Variants in NARS2 observed in about 807,000 individuals in gnomAD.
The protein encoded by NARS2 is asparaginyl-tRNA synthetase 2, mitochondrial, also known as asparaginyl-tRNA synthetase.
A neutral mutation model predicts 62.9 loss-of-function variants in NARS2; 60 were observed. The ratio of observed to expected loss-of-function variants is 0.95; its 90% CI spans 0.77 to 1.18. The LOEUF is 1.18. Among genes scored for constraint, NARS2 ranks in the 50% most tolerant of loss-of-function variants. The pLI is 0.00. For synonymous variants in NARS2, 196 were observed against 200.0 expected, an observed-to-expected ratio of 0.98 and a Z score of 0.17; for missense variants, 619 against 576.4, an observed-to-expected ratio of 1.07 and a Z score of -0.76.
chr11:78,440,733 A>G (rs1207299712), intron 13 of NARS2, among the ~76,000 whole-genome samples: 1 of 151,660 alleles, frequency 6.6e-6, no homozygotes, highest in Non-Finnish European at 1.5e-5. Context: ...GGGTTTCACC[A>G]TGCTGGCCAG....
intron 3 of NARS2, among the ~76,000 whole-genome samples, chr11:78,567,717 CTTT>C (rs1403056638): frequency 6.6e-6 from 1 of 152,146 alleles, no homozygotes; most frequent in Non-Finnish European, 1.5e-5. Context: ...GCATTTTCTT[CTTT>C]TATTTCCTTA....
chr11:78,528,734 A>G, intron 6 of NARS2, 108 bp downstream of exon 6: 2 of 725,900 alleles, frequency 2.8e-6, no homozygotes, highest in South Asian at 3.3e-5. Context: ...AATTCAAGTG[A>G]ACTAATGATA....
At chr11:78,574,047 T>C (rs1270002665) in intron 1 of NARS2, among the ~76,000 whole-genome samples, 1 of 152,168 alleles carries the variant, frequency 6.6e-6, no homozygotes, top group Non-Finnish European at 1.5e-5. Flanking sequence ...AACCTGGATA[T>C]TCATTATAAG....
At chr11:78,551,742 T>C (rs1856125104) in intron 5 of NARS2, among the ~76,000 whole-genome samples, 1 of 151,822 alleles carries the variant, frequency 6.6e-6, no homozygotes, top group Admixed American at 6.6e-5. Context: ...TCCCAGCTAT[T>C]TGGGAGGCTG....
rs749805230 is a variant in NARS2 at position 78,566,191 on chromosome 11, G to C, written c.454C>G (p.Leu152Val). Residue 152 changes from leucine (L) to valine (V), a missense_variant, in exon 4 of 14, where the codon CTG (leucine) becomes GTG (valine). Physicochemically the swap from Leu to Val is conservative, Grantham distance 32. Transcript: ENST00000281038. ...YPHFRCRTNV[L>V]GSILRIRSEA... ...CTGCGAATCCTCAATATAGAACCCA[G>C]AACGTTAGTCCTACACCTAAAGTGA... The C allele has an allele frequency of 2.5e-6, 4 of 1,613,316 alleles. No homozygotes were observed. The South Asian group carries it at 3.3e-5, about 13-fold the overall frequency.
intron 4 of NARS2, among the ~76,000 whole-genome samples, chr11:78,562,251 C>G (rs1856581950): frequency 6.6e-6 from 1 of 151,654 alleles, no homozygotes; most frequent in Non-Finnish European, 1.5e-5. Flanking sequence ...CAGTGAGATC[C>G]CATCTCTACA....
chr11:78,544,429 T>C (rs909249291), intron 5 of NARS2, among the ~76,000 whole-genome samples: 1 of 152,222 alleles, frequency 6.6e-6, no homozygotes, highest in East Asian at 1.9e-4. Context: ...TAATATGCTC[T>C]GAATTTTCCA....
intron 13 of NARS2, among the ~76,000 whole-genome samples, chr11:78,438,260 C>T: frequency 6.6e-6 from 1 of 151,994 alleles, no homozygotes. Context: ...ACCAACATTA[C>T]AGGGATATCT....
intron 6 of NARS2, among the ~76,000 whole-genome samples, chr11:78,514,101 T>G (rs1047418231): frequency 6.6e-5 from 10 of 152,140 alleles, no homozygotes; most frequent in Non-Finnish European, 1.0e-4. Flanking sequence ...CAACCTATTT[T>G]CCTACCAATT....
intron 13 of NARS2, among the ~76,000 whole-genome samples, chr11:78,439,972 C>T (rs971466493): frequency 8.5e-5 from 13 of 152,298 alleles, no homozygotes; most frequent in Middle Eastern, 6.8e-3. Context: ...TTCTATAGTT[C>T]GTGGGGGCAT....
intron 10 of NARS2, among the ~76,000 whole-genome samples, chr11:78,467,542 A>G (rs996374616): frequency 6.7e-6 from 1 of 150,358 alleles, no homozygotes; most frequent in African/African-American, 2.4e-5. Flanking sequence ...TGTCTTTCAA[A>G]AAATAAATAA....
chr11:78,516,680 G>A (rs991382504), intron 6 of NARS2, among the ~76,000 whole-genome samples: 4 of 152,170 alleles, frequency 2.6e-5, no homozygotes, highest in Admixed American at 1.3e-4. Context: ...AGTAACAGAA[G>A]CTAAGACAAC....
chr11:78,556,204 A>G (rs1051390456), intron 5 of NARS2, among the ~76,000 whole-genome samples: 1 of 152,176 alleles, frequency 6.6e-6, no homozygotes, highest in African/African-American at 2.4e-5. Context: ...CTTACCTGGA[A>G]TATTCTCCCT....
intron 12 of NARS2, among the ~76,000 whole-genome samples, chr11:78,441,905 A>C (rs2135136499): frequency 6.6e-6 from 1 of 152,316 alleles, no homozygotes; most frequent in South Asian, 2.1e-4. Context: ...TTAAATTCTT[A>C]GTGGTAATTG....
chr11:78,447,496 T>C (rs7929712), intron 11 of NARS2, among the ~76,000 whole-genome samples: 32,568 of 151,996 alleles, frequency 0.21, 3,865 homozygotes, highest in East Asian at 0.41. Flanking sequence ...CACTTCTGGG[T>C]ATATATATCC....
rs779612507 is a variant in NARS2, at chr11:78,574,437, G to A, written c.52C>T (p.Pro18Ser). 14 of 1,614,056 alleles carry A rather than the reference G, an allele frequency of 8.7e-6. No homozygotes were observed. ...GCTGAAGGTTTGTGCTTGGGGAAGGGGGCGGAGGAACAGAAGCGCACGGAC... is the reference window on the plus strand; with the variant it reads ...GCTGAAGGTTTGTGCTTGGGGAAGGAGGCGGAGGAACAGAAGCGCACGGAC... ...LRSVRFCSSA[P>S]FPKHKPSAKL... Residue 18 changes from proline to serine, a missense_variant, in exon 1 of 14, where the codon CCC (proline) becomes TCC (serine). Pro to Ser is a moderately conservative substitution (Grantham distance 74). Transcript: ENST00000281038.
intron 6 of NARS2, among the ~76,000 whole-genome samples, chr11:78,516,523 T>C (rs1474892387): frequency 6.6e-6 from 1 of 152,210 alleles, no homozygotes; most frequent in African/African-American, 2.4e-5. Flanking sequence ...TAATTTCTCG[T>C]TTAATGCTCA....
intron 6 of NARS2, among the ~76,000 whole-genome samples, chr11:78,519,706 T>G (rs895040831): frequency 6.6e-6 from 1 of 151,858 alleles, no homozygotes; most frequent in Non-Finnish European, 1.5e-5. Context: ...TTGTTGAGTT[T>G]TTTTTTTTTT....
intron 11 of NARS2, among the ~76,000 whole-genome samples, chr11:78,462,994 T>C (rs184975239): frequency 2.0e-4 from 31 of 152,330 alleles, no homozygotes; most frequent in African/African-American, 6.5e-4. Context: ...TAATATTACA[T>C]ATATAACTAT....
Sources: allele counts gnomAD v4.1 joint callset (sites outside exome capture counted in the v4.1 genomes callset), GRCh38; gene constraint gnomAD v4.1.1; transcripts MANE v1.5; gene names NCBI Gene and HGNC (gene_info 2026-07-23, HGNC 2026-07-21).